Variants in ADGRG6 observed in about 807,000 individuals in gnomAD.
ADGRG6 encodes G-protein coupled receptor 126.
ADGRG6 carries 84 observed loss-of-function variants against 142.4 expected under a neutral mutation model. The observed-to-expected ratio is 0.59, with a 90% confidence interval of 0.49 to 0.71. The LOEUF is 0.71. ADGRG6 is among the 30% of genes least tolerant of loss of function. ADGRG6 has a pLI of 0.00. For missense variants in ADGRG6, 1,367 were observed against 1,466.6 expected, an observed-to-expected ratio of 0.93 and a Z score of 1.11; for synonymous variants, 521 against 520.5, an observed-to-expected ratio of 1.00 and a Z score of -0.01.
chr6:142,415,995 A>C lies in ADGRG6; in HGVS notation c.2869A>C (p.Ile957Leu). The change falls in exon 20 of 25, where the codon ATT becomes CTT. Residue 957 changes from isoleucine (I) to leucine (L), a missense_variant. Coordinates refer to ENST00000367609, the MANE Select transcript of ADGRG6 (RefSeq NM_198569.3). ...WMGLEAIHMY[I>L]ALVKVFNTYI... ...GGGGCTAGAAGCAATTCACATGTAC[A>C]TTGCTCTAGTTAAAGTATTTAACAC... 6.2e-7 allele frequency: 1 copy of C among 1,611,874 alleles called. No homozygotes were observed. Among genetic ancestry groups the C allele is most frequent in the Middle Eastern group, 1.7e-4 (1 of 6,054 alleles).
At chr6:142,357,523 T>C (rs1268217627) in intron 2 of ADGRG6, among the ~76,000 whole-genome samples, 1 of 152,240 alleles carries the variant, frequency 6.6e-6, no homozygotes, top group East Asian at 1.9e-4. Flanking sequence ...ATTATGCTGG[T>C]TGCACCTATA....
intron 2 of ADGRG6, among the ~76,000 whole-genome samples, chr6:142,340,480 A>C (rs907627624): frequency 6.6e-6 from 1 of 152,152 alleles, no homozygotes; most frequent in African/African-American, 2.4e-5. Flanking sequence ...AGAAGTGCTC[A>C]TATGTACACA....
chr6:142,334,271 T>A (rs1779205167), intron 2 of ADGRG6, among the ~76,000 whole-genome samples: 1 of 152,162 alleles, frequency 6.6e-6, no homozygotes, highest in South Asian at 2.1e-4. Context: ...AAACAGTGTT[T>A]GGCTAAAGGA....
intron 22 of ADGRG6, among the ~76,000 whole-genome samples, chr6:142,424,647 C>A (rs1218539058): frequency 6.6e-6 from 1 of 151,280 alleles, no homozygotes; most frequent in Non-Finnish European, 1.5e-5. Flanking sequence ...TTGGTTGTGT[C>A]TCTGCCCGGC....
chr6:142,360,367 C>T (rs1780653699), intron 2 of ADGRG6, among the ~76,000 whole-genome samples: 1 of 151,980 alleles, frequency 6.6e-6, no homozygotes, highest in Non-Finnish European at 1.5e-5. Flanking sequence ...GATTAGCCAG[C>T]GAGAATGAGT....
chr6:142,434,387 C>T (rs905053252), intron 22 of ADGRG6, among the ~76,000 whole-genome samples: 18 of 151,390 alleles, frequency 1.2e-4, no homozygotes, highest in African/African-American at 4.1e-4. Flanking sequence ...TGGAATGGCA[C>T]GATCTCGGCT....
intron 22 of ADGRG6, among the ~76,000 whole-genome samples, chr6:142,427,340 A>G (rs1776993513): frequency 6.6e-6 from 1 of 152,180 alleles, no homozygotes; most frequent in Admixed American, 6.5e-5. Context: ...GGTGGGATCA[A>G]AATGCCGCCA....
At chr6:142,386,802 A>T (rs1302036198) in intron 6 of ADGRG6, among the ~76,000 whole-genome samples, 7 of 152,170 alleles carry the variant, frequency 4.6e-5, no homozygotes, top group Non-Finnish European at 1.0e-4. Flanking sequence ...CAGCAGGCAG[A>T]AACTAGCCCT....
chr6:142,385,884 G>A (rs1781994617), intron 6 of ADGRG6, among the ~76,000 whole-genome samples: 1 of 152,024 alleles, frequency 6.6e-6, no homozygotes, highest in Admixed American at 6.6e-5. Flanking sequence ...TATTCTTTGG[G>A]AAACAGAGAG....
Position 142,339,399 on chromosome 6 carries a change from C to T in ADGRG6, c.104-28170C>T, listed in dbSNP as rs145813890. On this transcript the variant is annotated intron_variant, in intron 2 of 24. Transcript: ENST00000367609. ...AAGATTTGATTTAGGAACTATCAAA[C>T]ATGCTTCCATCAGGGCTAATATCAG... 3.3e-4 allele frequency among the ~76,000 whole-genome samples: 51 copies of T among 152,288 alleles called. 1 individual carries two copies. The East Asian group carries it at 9.1e-3, about 27-fold the overall frequency.
chr6:142,308,637 C>G (rs780321799), intron 1 of ADGRG6, among the ~76,000 whole-genome samples: 5 of 151,758 alleles, frequency 3.3e-5, no homozygotes, highest in Non-Finnish European at 7.4e-5. Flanking sequence ...TTCAGGTTTC[C>G]TGGAGATTTC....
intron 9 of ADGRG6, among the ~76,000 whole-genome samples, chr6:142,396,969 T>C (rs961412004): frequency 6.6e-6 from 1 of 152,134 alleles, no homozygotes; most frequent in African/African-American, 2.4e-5. Flanking sequence ...TTAAAGACCT[T>C]CAAAGTCAAC....
intron 4 of ADGRG6, 177 bp downstream of exon 4, chr6:142,370,970 C>T: frequency 1.6e-6 from 1 of 638,040 alleles, no homozygotes; most frequent in South Asian, 2.0e-5. Flanking sequence ...GTCGTCTGCT[C>T]AGCTCTTATA....
intron 22 of ADGRG6, among the ~76,000 whole-genome samples, 185 bp downstream of exon 22, chr6:142,420,289 G>A (rs951427946): frequency 6.6e-6 from 1 of 152,118 alleles, no homozygotes; most frequent in Non-Finnish European, 1.5e-5. Flanking sequence ...TAGAATGTTA[G>A]TTTTGCCTTT....
intron 2 of ADGRG6, among the ~76,000 whole-genome samples, chr6:142,346,623 C>T (rs1193502601): frequency 6.6e-6 from 1 of 152,026 alleles, no homozygotes; most frequent in African/African-American, 2.4e-5. Flanking sequence ...TTGGAACCAA[C>T]CCAAATGCCC....
At chr6:142,387,172 A>G (rs1782071708) in intron 6 of ADGRG6, among the ~76,000 whole-genome samples, 2 of 152,156 alleles carry the variant, frequency 1.3e-5, no homozygotes, top group South Asian at 4.1e-4. Flanking sequence ...GATCTTTTTT[A>G]TGTTTTCCAT....
chr6:142,385,890 G>A (rs1200652196), intron 6 of ADGRG6, among the ~76,000 whole-genome samples: 1 of 152,130 alleles, frequency 6.6e-6, no homozygotes, highest in Non-Finnish European at 1.5e-5. Flanking sequence ...TTGGGAAACA[G>A]AGAGTAAAGA....
chr6:142,334,839 G>T (rs952068973), intron 2 of ADGRG6, among the ~76,000 whole-genome samples: 1 of 152,168 alleles, frequency 6.6e-6, no homozygotes, highest in African/African-American at 2.4e-5. Context: ...GAAATAAGAT[G>T]AACTGTGGCA....
At chr6:142,312,257 A>T (rs980460504) in intron 2 of ADGRG6, among the ~76,000 whole-genome samples, 5 of 152,086 alleles carry the variant, frequency 3.3e-5, no homozygotes, top group Non-Finnish European at 5.9e-5. Flanking sequence ...TTATGGTTTG[A>T]TTCCAATAAC....
Sources: allele counts gnomAD v4.1 joint callset (sites outside exome capture counted in the v4.1 genomes callset), GRCh38; gene constraint gnomAD v4.1.1; transcripts MANE v1.5; gene names NCBI Gene and HGNC (gene_info 2026-07-23, HGNC 2026-07-21).